The following C8orf34 variants were observed in gnomAD, a reference collection of about 807,000 sequenced individuals.
The protein encoded by C8orf34 is uncharacterized protein C8orf34.
A neutral mutation model predicts 68.3 loss-of-function variants in C8orf34; 65 were observed. The ratio of observed to expected loss-of-function variants is 0.95; its 90% confidence interval spans 0.78 to 1.17. The LOEUF (loss-of-function observed/expected upper bound fraction) is 1.17, where lower values mean the gene tolerates loss of function less well. Ranked by LOEUF, C8orf34 falls within the 50% of genes most tolerant of loss-of-function variation. The pLI, the probability that C8orf34 is intolerant of heterozygous loss-of-function variation, is 0.00. For missense variants in C8orf34, 664 were observed against 655.4 expected, an observed-to-expected ratio of 1.01 and a Z score of -0.14; for synonymous variants, 244 against 241.2, an observed-to-expected ratio of 1.01 and a Z score of -0.11.
chr8:68,402,662 AT>A (rs1468200362), intron 1 of C8orf34, among the ~76,000 whole-genome samples: 1 of 152,172 alleles, frequency 6.6e-6, no homozygotes, highest in Non-Finnish European at 1.5e-5. Flanking sequence ...CCCGAAGATT[AT>A]TCAGGAGCAT....
At chr8:68,340,537 G>C in intron 1 of C8orf34, among the ~76,000 whole-genome samples, 1 of 151,994 alleles carries the variant, frequency 6.6e-6, no homozygotes, top group Non-Finnish European at 1.5e-5. Flanking sequence ...AGAATAATAA[G>C]GAAATACTAG....
At chr8:68,346,520 T>A (rs1806290627) in intron 1 of C8orf34, among the ~76,000 whole-genome samples, 1 of 152,118 alleles carries the variant, frequency 6.6e-6, no homozygotes, top group Admixed American at 6.6e-5. Flanking sequence ...TGGACAAATA[T>A]ACAATGATGT....
At chr8:68,551,549 G>T (rs956217471) in intron 7 of C8orf34, among the ~76,000 whole-genome samples, 1 of 151,986 alleles carries the variant, frequency 6.6e-6, no homozygotes, top group East Asian at 1.9e-4. Flanking sequence ...GCTATAGGAG[G>T]TTTTTTGTTT....
chr8:68,704,676 C>T (rs1388292570), intron 8 of C8orf34, among the ~76,000 whole-genome samples: 1 of 152,156 alleles, frequency 6.6e-6, no homozygotes, highest in African/African-American at 2.4e-5. Context: ...ATTCCACCCA[C>T]TGTGAATTAT....
At chr8:68,588,968 G>C (rs764768224) in intron 7 of C8orf34, among the ~76,000 whole-genome samples, 1 of 152,120 alleles carries the variant, frequency 6.6e-6, no homozygotes, top group East Asian at 1.9e-4. Context: ...GTAAATGAGT[G>C]GGTGTGAATG....
intron 1 of C8orf34, among the ~76,000 whole-genome samples, chr8:68,377,542 T>C (rs1321701616): frequency 1.3e-5 from 2 of 152,148 alleles, no homozygotes; most frequent in Non-Finnish European, 2.9e-5. Context: ...AGTAAGAATT[T>C]TGCAGGATTC....
At chr8:68,777,351 A>C (rs923174062) in intron 11 of C8orf34, among the ~76,000 whole-genome samples, 1 of 152,234 alleles carries the variant, frequency 6.6e-6, no homozygotes, top group African/African-American at 2.4e-5. Context: ...CTGATGATAG[A>C]ACTTAAGAAT....
intron 1 of C8orf34, among the ~76,000 whole-genome samples, chr8:68,358,709 ATTTAT>A (rs1335827148): frequency 7.1e-6 from 1 of 141,344 alleles, no homozygotes; most frequent in African/African-American, 2.9e-5. Context: ...ATTCATATTT[ATTTAT>A]TTTTTTTTTG....
At chr8:68,728,147 C>A (rs1325325312) in intron 10 of C8orf34, among the ~76,000 whole-genome samples, 1 of 152,126 alleles carries the variant, frequency 6.6e-6, no homozygotes, top group Non-Finnish European at 1.5e-5. Context: ...CTCCAGATAC[C>A]CTAAATAGTC....
At chr8:68,419,833 T>G (rs1457742758) in intron 1 of C8orf34, among the ~76,000 whole-genome samples, 27 of 51,342 alleles carry the variant, frequency 5.3e-4, no homozygotes, top group Admixed American at 9.9e-4. Flanking sequence ...TGTTGTGGGG[T>G]GGGGGAAGGG....
At chr8:68,656,195 C>T (rs1356921247) in intron 8 of C8orf34, among the ~76,000 whole-genome samples, 2 of 152,032 alleles carry the variant, frequency 1.3e-5, no homozygotes, top group Admixed American at 6.6e-5. Context: ...GCAAAAGAGA[C>T]CCCCTTAATT....
intron 3 of C8orf34, among the ~76,000 whole-genome samples, chr8:68,460,381 G>T (rs964325143): frequency 1.3e-5 from 2 of 152,240 alleles, no homozygotes; most frequent in Non-Finnish European, 2.9e-5. Flanking sequence ...CAAACAAAAA[G>T]ACAGCAGTAA....
chr8:68,509,564 A>G (rs547398253), intron 5 of C8orf34, among the ~76,000 whole-genome samples: 2 of 152,256 alleles, frequency 1.3e-5, no homozygotes, highest in African/African-American at 4.8e-5. Flanking sequence ...CTCATAGTAC[A>G]GAGACACAAT....
chr8:68,455,756 A>G (rs1244983722), intron 3 of C8orf34, among the ~76,000 whole-genome samples: 2 of 152,120 alleles, frequency 1.3e-5, no homozygotes, highest in African/African-American at 4.8e-5. Context: ...AAATATAATG[A>G]GGTTAAAACT....
chr8:68,412,520 C>T (rs1248955114), intron 1 of C8orf34, among the ~76,000 whole-genome samples: 1 of 152,108 alleles, frequency 6.6e-6, no homozygotes, highest in Non-Finnish European at 1.5e-5. Flanking sequence ...GCTCCTGGGT[C>T]ATTCTCCAAA....
intron 12 of C8orf34, among the ~76,000 whole-genome samples, chr8:68,797,845 T>C (rs1218832423): frequency 6.6e-6 from 1 of 152,196 alleles, no homozygotes; most frequent in Non-Finnish European, 1.5e-5. Flanking sequence ...ACTAGAGATT[T>C]GGGTATACAT....
intron 5 of C8orf34, among the ~76,000 whole-genome samples, chr8:68,512,058 G>A (rs1193379217): frequency 4.6e-5 from 7 of 152,110 alleles, no homozygotes; most frequent in African/African-American, 1.7e-4. Flanking sequence ...GGGAGCACCT[G>A]TTAAATTTCT....
intron 5 of C8orf34, among the ~76,000 whole-genome samples, chr8:68,507,027 A>G (rs75156304): frequency 0.012 from 1,773 of 152,192 alleles, 36 homozygotes; most frequent in African/African-American, 0.04. Flanking sequence ...TTGGAGTTAC[A>G]TTGTGTTTTA....
intron 7 of C8orf34, among the ~76,000 whole-genome samples, chr8:68,602,301 C>T (rs1817721655): frequency 6.6e-6 from 1 of 152,120 alleles, no homozygotes; most frequent in Non-Finnish European, 1.5e-5. Context: ...GTGTATTAGT[C>T]TATTCTCTCA....
Sources: allele counts gnomAD v4.1 joint callset (sites outside exome capture counted in the v4.1 genomes callset), GRCh38; gene constraint gnomAD v4.1.1; transcripts MANE v1.5; gene names NCBI Gene and HGNC (gene_info 2026-07-23, HGNC 2026-07-21).